Variants in PLPPR1 observed in about 807,000 individuals in gnomAD.
PLPPR1 encodes the protein phospholipid phosphatase-related protein type 1.
PLPPR1 carries 10 observed loss-of-function variants against 33.1 expected under a neutral mutation model. That is an observed-to-expected ratio of 0.30 (90% CI 0.19 to 0.51). PLPPR1 has a LOEUF of 0.51. Among genes scored for constraint, PLPPR1 ranks in the 20% least tolerant of loss-of-function variants. PLPPR1 has a pLI of 0.97. For missense variants in PLPPR1, 304 were observed against 408.1 expected, an observed-to-expected ratio of 0.74 and a Z score of 2.20; for synonymous variants, 151 against 151.0, an observed-to-expected ratio of 1.00 and a Z score of 0.00.
chr9:101,178,833 G>T (rs1305620637), intron 1 of PLPPR1, among the ~76,000 whole-genome samples: 3 of 152,146 alleles, frequency 2.0e-5, no homozygotes, highest in African/African-American at 7.2e-5. Context: ...GAATGGAAGT[G>T]GAAGTGGCAC....
intron 1 of PLPPR1, among the ~76,000 whole-genome samples, chr9:101,090,684 C>T (rs1049650277): frequency 5.1e-4 from 78 of 152,132 alleles, no homozygotes; most frequent in African/African-American, 1.7e-3. Context: ...TGCCACTGCT[C>T]TCCAGCCTGG....
intron 5 of PLPPR1, among the ~76,000 whole-genome samples, chr9:101,310,310 G>A (rs1187155041): frequency 1.3e-5 from 2 of 152,302 alleles, no homozygotes; most frequent in African/African-American, 2.4e-5. Flanking sequence ...GACATCAGGT[G>A]CATTTACCAG....
chr9:101,262,889 C>A (rs1371236389), intron 2 of PLPPR1, among the ~76,000 whole-genome samples: 1 of 152,092 alleles, frequency 6.6e-6, no homozygotes, highest in Admixed American at 6.5e-5. Context: ...TCATTCTCAG[C>A]AAACTAACAC....
chr9:101,313,108 T>G lies in PLPPR1; in HGVS notation c.813+134T>G, dbSNP rs1443086473. On this transcript the variant is annotated intron_variant, in intron 6 of 7. Coordinates refer to ENST00000374874, the MANE Select transcript of PLPPR1 (RefSeq NM_207299.2). Reference sequence around the variant, plus strand: ...TGAATTACAATTATTCTCCAAGTATTATACATGCTTTTGCTACAAAAATGA... The same window carrying G: ...TGAATTACAATTATTCTCCAAGTATGATACATGCTTTTGCTACAAAAATGA... The G allele has an allele frequency of 7.9e-6, 6 of 763,356 alleles. No individual in the cohort carries two copies. The East Asian group carries it at 1.6e-4, about 20-fold the overall frequency. 47.3% of individuals were successfully genotyped at this position (763,356 alleles called of 1,614,324 possible).
chr9:101,203,002 T>G (rs1288104638), intron 2 of PLPPR1, among the ~76,000 whole-genome samples: 1 of 152,192 alleles, frequency 6.6e-6, no homozygotes, highest in Non-Finnish European at 1.5e-5. Context: ...TGCACAGAAT[T>G]GAATGGAAGT....
chr9:101,242,017 G>A (rs1375254604), intron 2 of PLPPR1, among the ~76,000 whole-genome samples: 2 of 152,150 alleles, frequency 1.3e-5, no homozygotes, highest in East Asian at 3.9e-4. Context: ...CTTTTCATGT[G>A]GCTGCAATTA....
rs182432899 is a variant in PLPPR1, at chr9:101,088,702, T to A, written c.-46+59600T>A. Reference sequence around the variant, plus strand: ...CTATATGAGCAAAAAGACATTTTTTTATTGCTCTCACCCTGTAAAATGCTT... The same window carrying A: ...CTATATGAGCAAAAAGACATTTTTTAATTGCTCTCACCCTGTAAAATGCTT... On this transcript the variant is annotated intron_variant, in intron 1 of 7. Transcript: ENST00000374874. Among the ~76,000 whole-genome samples the A allele has an allele frequency of 5.4e-3, 815 of 152,312 alleles. 15 individuals are homozygous for A. Among genetic ancestry groups the A allele is most frequent in the Non-Finnish European group, 3.6e-3 (245 of 68,004 alleles).
chr9:101,293,627 C>A (rs1254669457), intron 4 of PLPPR1, among the ~76,000 whole-genome samples: 1 of 152,092 alleles, frequency 6.6e-6, no homozygotes, highest in African/African-American at 2.4e-5. Context: ...TGCAATCAAA[C>A]TAGAACTCAG....
intron 3 of PLPPR1, among the ~76,000 whole-genome samples, chr9:101,280,323 G>A (rs971605526): frequency 5.3e-5 from 8 of 152,100 alleles, no homozygotes; most frequent in African/African-American, 1.9e-4. Context: ...AAAAGCCCAG[G>A]ACCTGATGGT....
intron 4 of PLPPR1, among the ~76,000 whole-genome samples, chr9:101,306,119 CT>C (rs1457379838): frequency 3.3e-5 from 5 of 152,174 alleles, no homozygotes; most frequent in African/African-American, 1.2e-4. Context: ...CCTTCCAAGC[CT>C]CTTCTCAACT....
intron 4 of PLPPR1, among the ~76,000 whole-genome samples, chr9:101,293,141 G>A (rs1256984351): frequency 6.6e-6 from 1 of 151,798 alleles, no homozygotes; most frequent in Non-Finnish European, 1.5e-5. Context: ...AAAAAAGGCA[G>A]GGGTTGCAAT....
intron 1 of PLPPR1, among the ~76,000 whole-genome samples, chr9:101,089,521 G>A (rs1200968577): frequency 6.6e-6 from 1 of 152,078 alleles, no homozygotes; most frequent in Non-Finnish European, 1.5e-5. Context: ...AGATATACAC[G>A]TGAAGTACAA....
At chr9:101,154,001 C>G (rs2118656155) in intron 1 of PLPPR1, among the ~76,000 whole-genome samples, 1 of 152,176 alleles carries the variant, frequency 6.6e-6, no homozygotes. Flanking sequence ...TGTTTATATG[C>G]TGGATTACAT....
chr9:101,246,089 TATATATATATATATATATATAG>T (rs1399569593), intron 2 of PLPPR1, among the ~76,000 whole-genome samples: 13 of 101,886 alleles, frequency 1.3e-4, no homozygotes, highest in African/African-American at 5.3e-4. Flanking sequence ...TATATATATA[TATATATATATATATATATATAG>T]ATAGATAGAT....
intron 1 of PLPPR1, among the ~76,000 whole-genome samples, chr9:101,144,319 G>A (rs928193711): frequency 1.3e-5 from 2 of 152,108 alleles, no homozygotes; most frequent in Admixed American, 6.5e-5. Flanking sequence ...TGTAAATGAC[G>A]AATTAATGGG....
chr9:101,133,779 A>G (rs551834839), intron 1 of PLPPR1, among the ~76,000 whole-genome samples: 1 of 152,292 alleles, frequency 6.6e-6, no homozygotes, highest in East Asian at 1.9e-4. Context: ...AGAAAACTAG[A>G]GCAAAGTAAA....
At chr9:101,309,815 C>T (rs1231903853) in intron 5 of PLPPR1, among the ~76,000 whole-genome samples, 1 of 148,576 alleles carries the variant, frequency 6.7e-6, no homozygotes, top group Non-Finnish European at 1.5e-5. Flanking sequence ...CCTCCCACAA[C>T]AGTACTCTTT....
chr9:101,046,979 G>T (rs1030093471), intron 1 of PLPPR1, among the ~76,000 whole-genome samples: 1 of 152,044 alleles, frequency 6.6e-6, no homozygotes, highest in African/African-American at 2.4e-5. Flanking sequence ...GGGGGTCGGG[G>T]GAGAAGAGGG....
At chr9:101,074,123 G>C (rs1045083308) in intron 1 of PLPPR1, among the ~76,000 whole-genome samples, 43 of 152,192 alleles carry the variant, frequency 2.8e-4, no homozygotes, top group African/African-American at 8.9e-4. Flanking sequence ...GAAGTCCTAG[G>C]GGGTATACCG....
Sources: allele counts gnomAD v4.1 joint callset (sites outside exome capture counted in the v4.1 genomes callset), GRCh38; gene constraint gnomAD v4.1.1; transcripts MANE v1.5; gene names NCBI Gene and HGNC (gene_info 2026-07-23, HGNC 2026-07-21).